Variants in PIK3CB observed in about 807,000 individuals in gnomAD.
PIK3CB encodes the protein phosphatidylinositol 4,5-bisphosphate 3-kinase catalytic subunit beta isoform.
In PIK3CB, 39 loss-of-function variants were observed where a neutral mutation model predicts 136.8. The observed-to-expected ratio is 0.29, with a 90% confidence interval of 0.22 to 0.37. PIK3CB has a LOEUF of 0.37. Ranked by LOEUF, PIK3CB falls within the 10% of genes least tolerant of loss-of-function variation. The probability of loss-of-function intolerance (pLI) is 1.00; values close to 1 mark genes in which losing one functional copy is unlikely to be tolerated. For missense variants in PIK3CB, 868 were observed against 1,275.4 expected (o/e 0.68, Z 4.87); for synonymous variants, 428 against 436.6 (o/e 0.98, Z 0.25).
chr3:138,721,123 A>G (rs1396043203), intron 8 of PIK3CB, among the ~76,000 whole-genome samples: 5 of 152,112 alleles, frequency 3.3e-5, no homozygotes, highest in Admixed American at 2.6e-4. Flanking sequence ...GGGCAGTGCC[A>G]TCTATTCACA....
chr3:138,748,561 T>C (rs1340376941), intron 4 of PIK3CB, among the ~76,000 whole-genome samples: 1 of 152,208 alleles, frequency 6.6e-6, no homozygotes, highest in Non-Finnish European at 1.5e-5. Flanking sequence ...TTGTGTATAA[T>C]AATTAAAATG....
chr3:138,815,168 T>C (rs1223821699), intron 1 of PIK3CB, among the ~76,000 whole-genome samples: 3 of 101,402 alleles, frequency 3.0e-5, no homozygotes, highest in Non-Finnish European at 5.5e-5. Flanking sequence ...AAAAAATATA[T>C]ATATATATAC....
At chr3:138,686,552 G>A (rs950138248) in intron 16 of PIK3CB, among the ~76,000 whole-genome samples, 3 of 151,958 alleles carry the variant, frequency 2.0e-5, no homozygotes, top group Non-Finnish European at 2.9e-5. Flanking sequence ...CTTCAGCCAC[G>A]CATAAAGAAG....
chr3:138,701,512 C>T (rs1006468673), intron 12 of PIK3CB, among the ~76,000 whole-genome samples: 3 of 151,988 alleles, frequency 2.0e-5, no homozygotes, highest in East Asian at 3.9e-4. Context: ...TGTGGCCGGG[C>T]GTGGTGGCTG....
At chr3:138,800,148 C>T (rs1490686080) in intron 1 of PIK3CB, among the ~76,000 whole-genome samples, 1 of 152,124 alleles carries the variant, frequency 6.6e-6, no homozygotes, top group Non-Finnish European at 1.5e-5. Flanking sequence ...GTTTTAACTC[C>T]AAGTTACCTC....
intron 1 of PIK3CB, among the ~76,000 whole-genome samples, chr3:138,812,386 G>A (rs571239111): frequency 3.3e-5 from 5 of 151,730 alleles, no homozygotes; most frequent in South Asian, 2.1e-4. Flanking sequence ...ACAGGCACGC[G>A]CCACCACTCC....
intron 1 of PIK3CB, chr3:138,825,050 G>C: frequency 4.2e-6 from 1 of 236,522 alleles, no homozygotes; most frequent in African/African-American, 2.3e-5. Context: ...GACAGAGTGA[G>C]ACCCTGTCAA....
intron 8 of PIK3CB, among the ~76,000 whole-genome samples, chr3:138,731,185 T>C (rs1461192173): frequency 1.3e-5 from 2 of 152,180 alleles, no homozygotes; most frequent in East Asian, 3.8e-4. Context: ...TTGTTAACTT[T>C]GAATCCCTTA....
chr3:138,732,880 G>GT (rs946584233), intron 8 of PIK3CB, among the ~76,000 whole-genome samples: 8 of 151,338 alleles, frequency 5.3e-5, no homozygotes, highest in South Asian at 4.2e-4. Context: ...AGTTACCTTT[G>GT]TTTTTTTTGA....
chr3:138,796,425 A>G (rs1273297245), intron 2 of PIK3CB, 38 bp downstream of exon 2: 3 of 151,836 alleles, frequency 2.0e-5, no homozygotes, highest in Middle Eastern at 6.8e-3. Flanking sequence ...ACTCTAACCA[A>G]TATATAAGTA....
At position 138,714,426 on chromosome 3, in the gene PIK3CB, T is replaced by C. The variant is rs749414776; in HGVS notation, c.1302+42A>G. On this transcript the variant is annotated intron_variant, in intron 9 of 23. Transcript: ENST00000674063. The stretch of plus-strand genomic sequence containing the variant: ...TTATTTCAAACAGTCTTAAAATTAT[T>C]CCGTTATATAAAACAATCCTCAGAA... The C allele has an allele frequency of 2.9e-6, 4 of 1,371,566 alleles. No individual in the cohort carries two copies. In the African/African-American group the frequency reaches 5.8e-5, roughly 20 times the overall value. The allele number at this position is 1,371,566 out of a possible 1,614,324, so 85.0% of individuals were successfully genotyped here.
chr3:138,688,117 A>C (rs1334949681), intron 16 of PIK3CB, among the ~76,000 whole-genome samples: 1 of 152,216 alleles, frequency 6.6e-6, no homozygotes, highest in East Asian at 1.9e-4. Flanking sequence ...AATATTAAAA[A>C]CACCTAATGG....
intron 4 of PIK3CB, among the ~76,000 whole-genome samples, chr3:138,743,631 C>A (rs563305376): frequency 1.3e-5 from 2 of 152,228 alleles, no homozygotes; most frequent in East Asian, 3.9e-4. Flanking sequence ...GGTGTGATCA[C>A]GGCTCACTGT....
chr3:138,748,453 A>AATAG (rs2045406421), intron 4 of PIK3CB, among the ~76,000 whole-genome samples: 1 of 152,056 alleles, frequency 6.6e-6, no homozygotes, highest in East Asian at 1.9e-4. Flanking sequence ...TACTATAGCA[A>AATAG]CCTCTGCATA....
rs1553743007 is a variant in PIK3CB at position 138,808,750 on chromosome 3, C to CTCTCTCTCTCTCTA, written c.-121-12184_-121-12183insTAGAGAGAGAGAGA. Reference sequence around the variant, plus strand: ...TCTCTCCTTTTCTCTCTCTCTCTCTCTATATATATATACACACACACTATA... The same window carrying CTCTCTCTCTCTCTA: ...TCTCTCCTTTTCTCTCTCTCTCTCTCTCTCTCTCTCTCTATATATATATATACACACACACTATA... On this transcript the variant is annotated intron_variant, in intron 1 of 23. Transcript: ENST00000674063. Among the ~76,000 whole-genome samples the CTCTCTCTCTCTCTA allele has an allele frequency of 2.9e-3, 440 of 150,144 alleles. 2 individuals are homozygous for CTCTCTCTCTCTCTA. The highest frequency in any genetic ancestry group is 0.01 in the African/African-American group (422 of 40,882).
chr3:138,717,907 T>C (rs142531614), intron 8 of PIK3CB, among the ~76,000 whole-genome samples: 63 of 152,346 alleles, frequency 4.1e-4, no homozygotes, highest in African/African-American at 1.5e-3. Flanking sequence ...GGTGATCATG[T>C]ACCACATTTT....
At chr3:138,664,181 G>C (rs1004597816) in intron 20 of PIK3CB, 152 bp from the exon 21 acceptor site, 19 of 845,904 alleles carry the variant, frequency 2.2e-5, no homozygotes, top group Non-Finnish European at 3.4e-5. Context: ...CAGCCAAGGG[G>C]AGTGTGGGTG....
chr3:138,688,814 T>C (rs925582466), intron 16 of PIK3CB, 61 bp downstream of exon 16: 5 of 977,256 alleles, frequency 5.1e-6, no homozygotes, highest in African/African-American at 1.6e-5. Context: ...AAGCTGATAT[T>C]CATGCTTTAA....
At chr3:138,703,589 TATAG>T (rs996558303) in intron 12 of PIK3CB, among the ~76,000 whole-genome samples, 2 of 151,520 alleles carry the variant, frequency 1.3e-5, no homozygotes, top group Non-Finnish European at 2.9e-5. Flanking sequence ...GATATGTAGA[TATAG>T]ATATAGATAT....
Sources: allele counts gnomAD v4.1 joint callset (sites outside exome capture counted in the v4.1 genomes callset), GRCh38; gene constraint gnomAD v4.1.1; transcripts MANE v1.5; gene names NCBI Gene and HGNC (gene_info 2026-07-23, HGNC 2026-07-21).